Variants in CNTNAP2 observed in about 807,000 individuals in gnomAD.
The protein encoded by CNTNAP2 is contactin-associated protein-like 2.
In CNTNAP2, 98 loss-of-function variants were observed where a neutral mutation model predicts 155.2. The observed-to-expected ratio is 0.63, with a 90% CI of 0.54 to 0.75. CNTNAP2 has a LOEUF of 0.75. CNTNAP2 is among the 30% of genes least tolerant of loss of function. The pLI is 0.00. For synonymous variants in CNTNAP2, 651 were observed against 631.2 expected (o/e 1.03, Z -0.47); for missense variants, 1,727 against 1,688.1 (o/e 1.02, Z -0.40).
chr7:148,387,387 A>C (rs1320115761), intron 22 of CNTNAP2, among the ~76,000 whole-genome samples: 2 of 152,226 alleles, frequency 1.3e-5, no homozygotes, highest in Non-Finnish European at 2.9e-5. Flanking sequence ...AACAGTATAT[A>C]CACAAAAATG....
chr7:146,395,495 C>G (rs1015940477), intron 1 of CNTNAP2, among the ~76,000 whole-genome samples: 7 of 151,996 alleles, frequency 4.6e-5, no homozygotes, highest in Admixed American at 3.3e-4. Flanking sequence ...GGTAGGTGAG[C>G]CCTCCTCTCC....
chr7:147,530,244 G>C (rs1386981224), intron 11 of CNTNAP2, among the ~76,000 whole-genome samples: 4 of 148,850 alleles, frequency 2.7e-5, no homozygotes, highest in Non-Finnish European at 3.0e-5. Flanking sequence ...GGAGTGCAGT[G>C]GCACGATCTC....
chr7:148,304,626 C>G (rs1283130533), intron 21 of CNTNAP2, among the ~76,000 whole-genome samples: 1 of 152,156 alleles, frequency 6.6e-6, no homozygotes, highest in Non-Finnish European at 1.5e-5. Flanking sequence ...GTGGGTGTAG[C>G]TGGGTGCTGA....
intron 13 of CNTNAP2, among the ~76,000 whole-genome samples, chr7:147,827,442 A>G (rs928759329): frequency 1.3e-5 from 2 of 152,222 alleles, no homozygotes; most frequent in Non-Finnish European, 2.9e-5. Flanking sequence ...AGTGCTTAAC[A>G]TAGCACATAA....
At chr7:148,320,127 G>T (rs958224763) in intron 21 of CNTNAP2, among the ~76,000 whole-genome samples, 2 of 152,100 alleles carry the variant, frequency 1.3e-5, no homozygotes, top group Non-Finnish European at 2.9e-5. Context: ...GGCCAATATG[G>T]CTGCATTCGA....
At chr7:148,075,501 C>T (rs1803467719) in intron 15 of CNTNAP2, among the ~76,000 whole-genome samples, 1 of 152,014 alleles carries the variant, frequency 6.6e-6, no homozygotes, top group African/African-American at 2.4e-5. Context: ...GAGTGAAGGA[C>T]CACTTGCTCT....
intron 17 of CNTNAP2, among the ~76,000 whole-genome samples, chr7:148,159,067 C>T (rs1484044810): frequency 6.6e-6 from 1 of 152,150 alleles, no homozygotes; most frequent in Non-Finnish European, 1.5e-5. Flanking sequence ...TAAACAGGGT[C>T]GTTTCCCATC....
rs117537338 is a variant in CNTNAP2 at position 146,594,217 on chromosome 7, A to G, written c.98-180054A>G. Among the ~76,000 whole-genome samples, 13 of 152,234 alleles carry G rather than the reference A, an allele frequency of 8.5e-5. No individual in the cohort carries two copies. In the East Asian group the frequency reaches 2.5e-3, roughly 29 times the overall value. ...GAGGTCCCTTTTACCCTATTGCAAT[A>G]ATACTGAATAGAATCTGTTTCTATT... On this transcript the variant is annotated intron_variant, in intron 1 of 23. Coordinates refer to ENST00000361727, the MANE Select transcript of CNTNAP2 (RefSeq NM_014141.6).
chr7:146,876,169 T>C (rs1344411406), intron 3 of CNTNAP2, among the ~76,000 whole-genome samples: 17 of 151,938 alleles, frequency 1.1e-4, no homozygotes, highest in Admixed American at 1.1e-3. Flanking sequence ...TCTAGATGCA[T>C]GTTGACTCTT....
chr7:147,239,344 A>T (rs1369022744), intron 8 of CNTNAP2, among the ~76,000 whole-genome samples: 2 of 147,428 alleles, frequency 1.4e-5, no homozygotes, highest in South Asian at 2.2e-4. Flanking sequence ...CGTCTCTACT[A>T]AAAAAAAAAT....
At chr7:146,172,814 G>T (rs927818952) in intron 1 of CNTNAP2, among the ~76,000 whole-genome samples, 6 of 152,034 alleles carry the variant, frequency 3.9e-5, no homozygotes, top group African/African-American at 1.4e-4. Context: ...ATTTTGTTTG[G>T]AATACAGACA....
intron 9 of CNTNAP2, among the ~76,000 whole-genome samples, chr7:147,329,878 C>T (rs560706410): frequency 6.6e-6 from 1 of 152,202 alleles, no homozygotes; most frequent in South Asian, 2.1e-4. Context: ...AAGAGGCAAC[C>T]CTAAGCCATT....
At chr7:147,635,206 AAT>A in intron 12 of CNTNAP2, among the ~76,000 whole-genome samples, 3 of 149,926 alleles carry the variant, frequency 2.0e-5, no homozygotes, top group African/African-American at 4.9e-5. Context: ...ATATATGTTT[AAT>A]TTTAATTATT....
chr7:146,400,668 T>C (rs1424718928), intron 1 of CNTNAP2, among the ~76,000 whole-genome samples: 1 of 152,218 alleles, frequency 6.6e-6, no homozygotes, highest in Non-Finnish European at 1.5e-5. Context: ...ATAACTAGCT[T>C]TGAATGATAA....
intron 1 of CNTNAP2, among the ~76,000 whole-genome samples, chr7:146,483,304 T>TATATATATATATATATATATATATACAC (rs1797001188): frequency 9.5e-6 from 1 of 105,284 alleles, no homozygotes; most frequent in Non-Finnish European, 1.8e-5. Flanking sequence ...TATATATATA[T>TATATATATATATATATATATATATACAC]ATATATATAT....
At chr7:147,046,804 C>T (rs1054250473) in intron 4 of CNTNAP2, among the ~76,000 whole-genome samples, 21 of 151,824 alleles carry the variant, frequency 1.4e-4, no homozygotes, top group East Asian at 3.9e-4. Context: ...CCAAGGAGGG[C>T]GGATCACGAG....
intron 13 of CNTNAP2, among the ~76,000 whole-genome samples, chr7:147,718,014 C>T (rs1291626433): frequency 1.3e-5 from 2 of 151,728 alleles, no homozygotes. Flanking sequence ...TACTCATGTC[C>T]CTTGTAACTA....
intron 21 of CNTNAP2, among the ~76,000 whole-genome samples, chr7:148,381,870 GCC>G (rs55654360): frequency 0.71 from 108,008 of 152,094 alleles, 39,642 homozygotes; most frequent in Admixed American, 0.8. Context: ...CTGCACATTG[GCC>G]CCCCCCCAGG....
chr7:147,812,934 A>G (rs1798204881), intron 13 of CNTNAP2, among the ~76,000 whole-genome samples: 1 of 152,188 alleles, frequency 6.6e-6, no homozygotes. Flanking sequence ...CAAGGAATAT[A>G]CATGTAGTAT....
Sources: gnomAD v4.1 joint callset for allele counts (sites outside exome capture counted in the v4.1 genomes callset) on GRCh38, gnomAD v4.1.1 for gene constraint, MANE v1.5 for transcripts, NCBI Gene and HGNC (gene_info 2026-07-23, HGNC 2026-07-21) for gene names.